HS3ST2: variants seen among roughly 807,000 people sequenced by gnomAD.
HS3ST2 encodes heparan sulfate-glucosamine 3-sulfotransferase 2, also known as heparan sulfate glucosamine 3-O-sulfotransferase 2.
HS3ST2 carries 17 observed loss-of-function variants against 26.3 expected under a neutral mutation model. The observed-to-expected ratio is 0.65, with a 90% CI of 0.44 to 0.97. HS3ST2 has a LOEUF of 0.97. HS3ST2 is among the 50% of genes least tolerant of loss of function. HS3ST2 has a pLI of 0.00. For synonymous variants in HS3ST2, 237 were observed against 219.2 expected (o/e 1.08, Z -0.72); for missense variants, 402 against 501.2 (o/e 0.80, Z 1.89).
At chr16:22,818,812 T>TCCTC (rs1567478373) in intron 1 of HS3ST2, among the ~76,000 whole-genome samples, 1 of 12,378 alleles carries the variant, frequency 8.1e-5, no homozygotes, top group African/African-American at 5.1e-4. Context: ...CTTCCTTCCT[T>TCCTC]CCTTCCTTCC....
intron 1 of HS3ST2, among the ~76,000 whole-genome samples, chr16:22,855,819 G>A (rs1211159059): frequency 6.6e-6 from 1 of 151,676 alleles, no homozygotes; most frequent in Non-Finnish European, 1.5e-5. Flanking sequence ...AATTCCAAGT[G>A]CAACAGAATT....
At chr16:22,820,126 G>A (rs1900967291) in intron 1 of HS3ST2, among the ~76,000 whole-genome samples, 1 of 152,072 alleles carries the variant, frequency 6.6e-6, no homozygotes, top group Non-Finnish European at 1.5e-5. Flanking sequence ...TGGTCCAGGC[G>A]AACGTCACAC....
intron 1 of HS3ST2, among the ~76,000 whole-genome samples, chr16:22,869,681 A>G (rs1901805003): frequency 1.3e-5 from 2 of 152,206 alleles, no homozygotes; most frequent in African/African-American, 4.8e-5. Context: ...AGAACAGCGC[A>G]GGAAAGACCC....
chr16:22,913,143 G>A (rs1902444864), intron 1 of HS3ST2, among the ~76,000 whole-genome samples: 1 of 101,812 alleles, frequency 9.8e-6, no homozygotes, highest in Non-Finnish European at 2.0e-5. Flanking sequence ...AGGAAGGAAG[G>A]AAGGAAGGGA....
At chr16:22,881,311 A>G (rs1901988004) in intron 1 of HS3ST2, among the ~76,000 whole-genome samples, 1 of 152,156 alleles carries the variant, frequency 6.6e-6, no homozygotes, top group South Asian at 2.1e-4. Context: ...GAGCGTTGAG[A>G]GGACACTCTG....
At chr16:22,875,788 G>T (rs952083464) in intron 1 of HS3ST2, among the ~76,000 whole-genome samples, 2 of 152,138 alleles carry the variant, frequency 1.3e-5, no homozygotes, top group Non-Finnish European at 2.9e-5. Flanking sequence ...AGTCCTGCAA[G>T]CTCCATTCAT....
chr16:22,879,409 T>C lies in HS3ST2; in HGVS notation c.486-35535T>C, dbSNP rs2141196283. Among the ~76,000 whole-genome samples the C allele has an allele frequency of 1.3e-5, 2 of 152,300 alleles. 1 individual carries two copies. Among genetic ancestry groups the C allele is most frequent in the Middle Eastern group, 6.8e-3 (2 of 294 alleles). On this transcript the variant is annotated intron_variant, in intron 1 of 1. Transcript: ENST00000261374. ...ACTGGGCTCTCCAGGGGAAGGTAAC[T>C]GAGCTCCTCTGAGGACTGTGTTCTT...
Position 22,816,416 on chromosome 16 carries a change from G to A in HS3ST2, c.485+1321G>A, listed in dbSNP as rs527962665. 2.0e-5 allele frequency among the ~76,000 whole-genome samples: 3 copies of A among 152,334 alleles called. No homozygotes were observed. In the South Asian group the frequency reaches 6.2e-4, roughly 32 times the overall value. Reference sequence around the variant, plus strand: ...GAGGGCCCTGGATTTACCAAAAGTAGGGGGACCGCAGGCCTGATTTAGCAC... The same window carrying A: ...GAGGGCCCTGGATTTACCAAAAGTAAGGGGACCGCAGGCCTGATTTAGCAC... On this transcript the variant is annotated intron_variant, in intron 1 of 1. Transcript: ENST00000261374.
At position 22,848,297 on chromosome 16, in the gene HS3ST2, G is replaced by A. The variant is rs769735019; in HGVS notation, c.485+33202G>A. 1.3e-4 allele frequency among the ~76,000 whole-genome samples: 20 copies of A among 152,150 alleles called. 1 individual carries two copies. Among genetic ancestry groups the A allele is most frequent in the Non-Finnish European group, 1.5e-5 (1 of 68,024 alleles). On this transcript the variant is annotated intron_variant, in intron 1 of 1. Coordinates refer to ENST00000261374, the MANE Select transcript of HS3ST2 (RefSeq NM_006043.2). ...AACAAGGGCAAGAAGACTTCTGATGGCTATCACAAGGACTAAATGGAATTT... is the reference window on the plus strand; with the variant it reads ...AACAAGGGCAAGAAGACTTCTGATGACTATCACAAGGACTAAATGGAATTT...
At chr16:22,827,709 TC>T (rs1901109420) in intron 1 of HS3ST2, among the ~76,000 whole-genome samples, 2 of 120,586 alleles carry the variant, frequency 1.7e-5, no homozygotes, top group South Asian at 5.0e-4. Flanking sequence ...TTTCTTTCTT[TC>T]TTTTTTTTTT....
intron 1 of HS3ST2, among the ~76,000 whole-genome samples, chr16:22,865,102 T>C (rs988413977): frequency 7.6e-6 from 1 of 131,214 alleles, no homozygotes; most frequent in Non-Finnish European, 1.7e-5. Flanking sequence ...ATATGCACAA[T>C]ATTAGAAAGA....
intron 1 of HS3ST2, among the ~76,000 whole-genome samples, chr16:22,862,156 T>C (rs1331568574): frequency 6.6e-6 from 1 of 152,214 alleles, no homozygotes; most frequent in Non-Finnish European, 1.5e-5. Flanking sequence ...TAAGCATTTG[T>C]TGAATGAATA....
intron 1 of HS3ST2, among the ~76,000 whole-genome samples, chr16:22,895,891 T>C (rs975214133): frequency 6.6e-6 from 1 of 152,136 alleles, no homozygotes; most frequent in Admixed American, 6.5e-5. Flanking sequence ...GTGTAGTTTT[T>C]CTCTGTCCTC....
At chr16:22,857,068 A>T (rs1901606510) in intron 1 of HS3ST2, among the ~76,000 whole-genome samples, 1 of 152,120 alleles carries the variant, frequency 6.6e-6, no homozygotes, top group Non-Finnish European at 1.5e-5. Context: ...AACCCCACAG[A>T]TACCTGTTAC....
In HS3ST2 at chr16:22,891,611, A is replaced by G. The variant is rs145495451; in HGVS notation, c.486-23333A>G. On this transcript the variant is annotated intron_variant, in intron 1 of 1. Coordinates refer to ENST00000261374, the MANE Select transcript of HS3ST2 (RefSeq NM_006043.2). ...TTACAATTAAAAAATCAATTTTAAAATTACAAAGGACTTAATTTTTTATTT... is the reference window on the plus strand; with the variant it reads ...TTACAATTAAAAAATCAATTTTAAAGTTACAAAGGACTTAATTTTTTATTT... Among the ~76,000 whole-genome samples, 623 of 152,330 alleles carry G rather than the reference A, an allele frequency of 4.1e-3. 7 individuals carry two copies. The highest frequency in any genetic ancestry group is 2.1e-3 in the Non-Finnish European group (145 of 68,034).
At chr16:22,880,056 G>C (rs1172470297) in intron 1 of HS3ST2, among the ~76,000 whole-genome samples, 1 of 152,150 alleles carries the variant, frequency 6.6e-6, no homozygotes, top group Admixed American at 6.5e-5. Context: ...TTAGGTATTG[G>C]AGAGTAATCA....
chr16:22,837,331 G>A (rs1405148888), intron 1 of HS3ST2, among the ~76,000 whole-genome samples: 2 of 151,702 alleles, frequency 1.3e-5, no homozygotes, highest in Non-Finnish European at 2.9e-5. Context: ...AGTGCTTAGA[G>A]GAAGGCTGAG....
intron 1 of HS3ST2, among the ~76,000 whole-genome samples, chr16:22,853,571 C>T (rs555612682): frequency 2.4e-4 from 36 of 152,280 alleles, no homozygotes; most frequent in African/African-American, 8.2e-4. Context: ...ATGATAAGTG[C>T]TAATAGGAGG....
intron 1 of HS3ST2, among the ~76,000 whole-genome samples, chr16:22,905,148 A>T (rs1902333696): frequency 6.6e-6 from 1 of 152,226 alleles, no homozygotes; most frequent in East Asian, 1.9e-4. Flanking sequence ...CTTCCAGAAC[A>T]CATATAAAGA....
Sources: allele counts gnomAD v4.1 joint callset (sites outside exome capture counted in the v4.1 genomes callset), GRCh38; gene constraint gnomAD v4.1.1; transcripts MANE v1.5; gene names NCBI Gene and HGNC (gene_info 2026-07-23, HGNC 2026-07-21).